CACNA1E: variants seen among roughly 807,000 people sequenced by gnomAD.
The protein encoded by CACNA1E is calcium voltage-gated channel subunit alpha1 E.
A neutral mutation model predicts 259.2 loss-of-function variants in CACNA1E; 40 were observed. The ratio of observed to expected loss-of-function variants is 0.15; its 90% CI spans 0.12 to 0.20. CACNA1E has a LOEUF of 0.20. Ranked by LOEUF, CACNA1E falls within the 10% of genes least tolerant of loss-of-function variation. CACNA1E has a pLI of 1.00. For missense variants in CACNA1E, 1,874 were observed against 3,040.1 expected, an observed-to-expected ratio of 0.62 and a Z score of 9.02; for synonymous variants, 1,104 against 1,138.5, an observed-to-expected ratio of 0.97 and a Z score of 0.61.
intron 2 of CACNA1E, among the ~76,000 whole-genome samples, chr1:181,467,249 G>T (rs1662207605): frequency 6.6e-6 from 1 of 152,210 alleles, no homozygotes; most frequent in Admixed American, 6.5e-5. Flanking sequence ...CTTTCAAAGG[G>T]TGTTGTTGAC....
intron 2 of CACNA1E, among the ~76,000 whole-genome samples, chr1:181,429,966 C>CTCATG (rs1659598353): frequency 6.6e-6 from 1 of 152,228 alleles, no homozygotes. Context: ...ATGGGGCCTG[C>CTCATG]CCAGCCAGAC....
At chr1:181,511,598 A>C in intron 3 of CACNA1E, 88 bp downstream of exon 3, 1 of 1,454,668 alleles carries the variant, frequency 6.9e-7, no homozygotes, top group Non-Finnish European at 9.6e-7. Context: ...CTGGGGTGGA[A>C]AGACAGCAAT....
At chr1:181,583,162 C>T (rs1018784669) in intron 6 of CACNA1E, among the ~76,000 whole-genome samples, 5 of 150,982 alleles carry the variant, frequency 3.3e-5, no homozygotes, top group Admixed American at 6.6e-5. Context: ...ACACTGGTTG[C>T]GTACCATGAA....
At chr1:181,756,380 A>G (rs142371190) in intron 29 of CACNA1E, among the ~76,000 whole-genome samples, 20 of 152,300 alleles carry the variant, frequency 1.3e-4, no homozygotes, top group African/African-American at 4.6e-4. Context: ...ATGAGTTTTG[A>G]ACAGCCCTGT....
At chr1:181,513,318 G>T (rs530703930) in intron 3 of CACNA1E, among the ~76,000 whole-genome samples, 1 of 152,272 alleles carries the variant, frequency 6.6e-6, no homozygotes, top group South Asian at 2.1e-4. Context: ...TTGTAATTTT[G>T]CTGCTTTCTT....
chr1:181,656,166 T>C (rs1386119157), intron 7 of CACNA1E, among the ~76,000 whole-genome samples: 3 of 152,226 alleles, frequency 2.0e-5, no homozygotes, highest in Non-Finnish European at 4.4e-5. Flanking sequence ...AATTTATTCC[T>C]ACTTATTTTT....
chr1:181,516,353 A>AC (rs1340970496), intron 3 of CACNA1E, among the ~76,000 whole-genome samples: 9 of 150,848 alleles, frequency 6.0e-5, no homozygotes. Flanking sequence ...CCACACACAC[A>AC]CACACACACA....
intron 1 of CACNA1E, among the ~76,000 whole-genome samples, chr1:181,389,613 C>A (rs1328574601): frequency 1.3e-5 from 2 of 152,202 alleles, no homozygotes; most frequent in African/African-American, 2.4e-5. Flanking sequence ...TTCTTGCATG[C>A]GTGTGTCGCA....
At chr1:181,452,762 C>T (rs1048736627) in intron 2 of CACNA1E, among the ~76,000 whole-genome samples, 27 of 152,146 alleles carry the variant, frequency 1.8e-4, no homozygotes, top group African/African-American at 5.5e-4. Flanking sequence ...TAGCAAAACA[C>T]TTCTTCTTTT....
intron 2 of CACNA1E, among the ~76,000 whole-genome samples, chr1:181,425,526 C>T (rs1477464035): frequency 4.6e-5 from 6 of 130,766 alleles, no homozygotes; most frequent in African/African-American, 2.1e-4. Context: ...GCTGTACACC[C>T]CCGCTCCCCC....
Position 181,651,213 on chromosome 1 carries a change from G to A in CACNA1E, c.952-125G>A, listed in dbSNP as rs1572492270. The A allele has an allele frequency of 9.4e-6, 6 of 638,678 alleles. No homozygotes were observed. In the East Asian group the frequency reaches 1.6e-4, roughly 17 times the overall value. 39.6% of individuals were successfully genotyped at this position (638,678 alleles called of 1,614,324 possible). A position where few individuals can be genotyped will look rare whatever the true frequency, so the allele number is the denominator to read the frequency against. ...ACGGTAATACCAAATTGGGAATGGAGTAAGGCAATATTTAACTGTATTGCA... is the reference window on the plus strand; with the variant it reads ...ACGGTAATACCAAATTGGGAATGGAATAAGGCAATATTTAACTGTATTGCA... On this transcript the variant is annotated intron_variant, in intron 6 of 47. Coordinates refer to ENST00000367573, the MANE Select transcript of CACNA1E (RefSeq NM_001205293.3).
rs1372472488 is a variant in CACNA1E at position 181,798,703 on chromosome 1, C to A, written c.6811C>A (p.Pro2271Thr). ...GRSNTIGSAP[P>T]LRHSWQMPNG... The stretch of plus-strand genomic sequence containing the variant: ...TTCCAACACCATCGGCTCAGCCCCA[C>A]CCCTGCGGCATAGCTGGCAGATGCC... The change falls in exon 48 of 48, where the codon CCC (proline) becomes ACC (threonine). Residue 2271 changes from proline to threonine, a missense_variant. Coordinates refer to ENST00000367573, the MANE Select transcript of CACNA1E (RefSeq NM_001205293.3). This position sits in a 1 kb window ranked among gnomAD's most constrained non-coding sequence, Gnocchi z 4.2. 1 of 1,609,012 alleles carries A rather than the reference C, an allele frequency of 6.2e-7. No homozygotes were observed. The highest frequency in any genetic ancestry group is 8.5e-7 in the Non-Finnish European group (1 of 1,176,990).
At chr1:181,452,718 G>T (rs1418909405) in intron 2 of CACNA1E, among the ~76,000 whole-genome samples, 1 of 152,184 alleles carries the variant, frequency 6.6e-6, no homozygotes, top group Non-Finnish European at 1.5e-5. Flanking sequence ...TCCGAAGTTG[G>T]TGTGAATTCC....
At chr1:181,675,773 T>G (rs1195225740) in intron 7 of CACNA1E, among the ~76,000 whole-genome samples, 4 of 152,226 alleles carry the variant, frequency 2.6e-5, no homozygotes, top group Admixed American at 1.3e-4. Flanking sequence ...CTGGCTGACC[T>G]GGGCAGAGCC....
chr1:181,785,266 C>G, intron 41 of CACNA1E, 52 bp from the exon 42 acceptor site: 1 of 1,053,196 alleles, frequency 9.5e-7, no homozygotes, highest in Non-Finnish European at 1.5e-6. Context: ...GTTCCTCACT[C>G]TCTCCCATTA....
chr1:181,345,428 C>T lies in CACNA1E; in HGVS notation c.-15+27305C>T, dbSNP rs148457843. Among the ~76,000 whole-genome samples the T allele has an allele frequency of 5.3e-4, 80 of 152,218 alleles. 1 individual carries two copies. Among genetic ancestry groups the T allele is most frequent in the Non-Finnish European group, 9.7e-4 (66 of 67,996 alleles). On this transcript the variant is annotated intron_variant, in intron 1 of 11. Coordinates refer to the CACNA1E transcript ENST00000524607. ...CTTATGGTTCAATGTGGCCACATGC[C>T]GAGTTGCTGAGTTGGGGGGCCAGGG...
At chr1:181,690,768 C>T (rs1326049223) in intron 7 of CACNA1E, among the ~76,000 whole-genome samples, 1 of 151,968 alleles carries the variant, frequency 6.6e-6, no homozygotes, top group Non-Finnish European at 1.5e-5. Flanking sequence ...CATGATTTGG[C>T]TCTCTGTCTA....
At chr1:181,712,848 C>T (rs997965194) in intron 8 of CACNA1E, among the ~76,000 whole-genome samples, 6 of 152,078 alleles carry the variant, frequency 3.9e-5, no homozygotes, top group African/African-American at 7.2e-5. Context: ...GGAAGGAGCC[C>T]GCCCAGCCTT....
In CACNA1E at chr1:181,798,783, T is replaced by C; in HGVS notation, c.6891T>C (p.Cys2297=). The C allele has an allele frequency of 6.4e-7, 1 of 1,567,156 alleles. No individual in the cohort carries two copies. Among genetic ancestry groups the C allele is most frequent in the South Asian group, 1.2e-5 (1 of 86,138 alleles). ...GGGGGCCTGGGCCAGGCATGATGTG[T>C]GGGGCTGTCAACAACCTGCTAAGTG... ...RRGGPGPGMM[C]GAVNNLLSDT... Residue 2297 remains cysteine (C), a synonymous_variant, in exon 48 of 48, where the codon TGT becomes TGC. Coordinates refer to ENST00000367573, the MANE Select transcript of CACNA1E (RefSeq NM_001205293.3). This position sits in a 1 kb window ranked among gnomAD's most constrained non-coding sequence, Gnocchi z 4.2.
Sources: allele counts gnomAD v4.1 joint callset (sites outside exome capture counted in the v4.1 genomes callset), GRCh38; gene constraint gnomAD v4.1.1; non-coding constraint Gnocchi (gnomAD v3.1); transcripts MANE v1.5; gene names NCBI Gene and HGNC (gene_info 2026-07-23, HGNC 2026-07-21).